The following GRIN1 variants were observed in gnomAD, a reference collection of about 807,000 sequenced individuals.
GRIN1 encodes glutamate ionotropic receptor NMDA type subunit 1.
A neutral mutation model predicts 103.0 loss-of-function variants in GRIN1; 38 were observed. That is an observed-to-expected ratio of 0.37 (90% CI 0.28 to 0.48). The LOEUF (loss-of-function observed/expected upper bound fraction) is 0.48, where lower values mean the gene tolerates loss of function less well. Among genes scored for constraint, GRIN1 ranks in the 20% least tolerant of loss-of-function variants. The pLI is 0.98. For missense variants in GRIN1, 577 were observed against 1,288.9 expected (o/e 0.45, Z 8.46); for synonymous variants, 544 against 532.7 (o/e 1.02, Z -0.29).
At position 137,139,511 on chromosome 9, in the gene GRIN1, C is replaced by A; in HGVS notation, c.25C>A (p.Leu9Ile). Residue 9 changes from leucine (L) to isoleucine (I), a missense_variant, in exon 1 of 20, where the codon CTC becomes ATC. Transcript: ENST00000371561. The surrounding 1 kb of genome is among the most constrained non-coding windows in gnomAD (Gnocchi z 7.7). ...CATGAGCACCATGCGCCTGCTGACG[C>A]TCGCCCTGCTGTTCTCCTGCTCCGT... MSTMRLLTLALLFSCSVAR... is the reference protein window; with the variant it reads MSTMRLLTIALLFSCSVAR... 6.2e-7 allele frequency: 1 copy of A among 1,601,100 alleles called. No individual in the cohort carries two copies. The highest frequency in any genetic ancestry group is 8.5e-7 in the Non-Finnish European group (1 of 1,173,630).
chr9:137,163,977 G>A (rs748783989), intron 18 of GRIN1, 73 bp downstream of exon 18: 2 of 1,546,086 alleles, frequency 1.3e-6, no homozygotes, highest in African/African-American at 2.7e-5. Flanking sequence ...ATCCCCGAAG[G>A]CCGTGGCACT....
At chr9:137,160,006 A>G (rs1833441495) in intron 8 of GRIN1, among the ~76,000 whole-genome samples, 1 of 152,132 alleles carries the variant, frequency 6.6e-6, no homozygotes, top group Admixed American at 6.5e-5. Context: ...CTCCCCTCAC[A>G]GTTCTGGCAG....
rs568348026 is a variant in GRIN1 at position 137,147,353 on chromosome 9, G to A, written c.570+1451G>A. 3.4e-4 allele frequency among the ~76,000 whole-genome samples: 51 copies of A among 152,120 alleles called. No homozygotes were observed. The South Asian group carries it at 4.1e-3, about 12-fold the overall frequency. On this transcript the variant is annotated intron_variant, in intron 3 of 19. Coordinates refer to ENST00000371561, the MANE Select transcript of GRIN1 (RefSeq NM_007327.4). Reference sequence around the variant, plus strand: ...CACACCTGGACACACGCTCAGGTGCGCTCCTCATGTGCATGCTCACCCTTA... The same window carrying A: ...CACACCTGGACACACGCTCAGGTGCACTCCTCATGTGCATGCTCACCCTTA...
intron 8 of GRIN1, among the ~76,000 whole-genome samples, chr9:137,160,013 G>T (rs1833441602): frequency 6.6e-6 from 1 of 152,180 alleles, no homozygotes; most frequent in Non-Finnish European, 1.5e-5. Context: ...CACAGTTCTG[G>T]CAGTGTGCTA....
intron 8 of GRIN1, among the ~76,000 whole-genome samples, chr9:137,159,166 T>G (rs1833392977): frequency 6.6e-6 from 1 of 152,114 alleles, no homozygotes; most frequent in Non-Finnish European, 1.5e-5. Context: ...CCTGGGCCTC[T>G]GAGAGCCTCT....
rs777596051 is a variant in GRIN1 at position 137,161,242 on chromosome 9, G to A, written c.1339+45G>A. 8 of 1,610,052 alleles carry A rather than the reference G, an allele frequency of 5.0e-6. No individual in the cohort carries two copies. In the Admixed American group the frequency reaches 1.3e-4, roughly 27 times the overall value. ...CGCGGGGCGCGGGGCAGGGCGCGGG[G>A]CGTGGGGCGGTCTGGAGCCCAGCAG... On this transcript the variant is annotated intron_variant, in intron 9 of 19. Coordinates refer to ENST00000371561, the MANE Select transcript of GRIN1 (RefSeq NM_007327.4).
At chr9:137,141,349 C>T (rs115708484) in intron 1 of GRIN1, among the ~76,000 whole-genome samples, 1 of 152,272 alleles carries the variant, frequency 6.6e-6, no homozygotes, top group African/African-American at 2.4e-5. Flanking sequence ...GGGGCTGAGC[C>T]GCTGGCTTTA....
intron 4 of GRIN1, among the ~76,000 whole-genome samples, chr9:137,152,846 C>A (rs1369763036): frequency 6.6e-6 from 1 of 152,106 alleles, no homozygotes; most frequent in Non-Finnish European, 1.5e-5. Context: ...TATAGTCACA[C>A]CATGCATACA....
At chr9:137,160,587 G>A (rs1306839561) in intron 8 of GRIN1, among the ~76,000 whole-genome samples, 1 of 152,118 alleles carries the variant, frequency 6.6e-6, no homozygotes, top group East Asian at 1.9e-4. Context: ...CCACCACCAC[G>A]CCCGGCTAAT....
intron 4 of GRIN1, among the ~76,000 whole-genome samples, chr9:137,150,970 G>C (rs1464866666): frequency 1.0e-5 from 1 of 97,358 alleles, no homozygotes; most frequent in Non-Finnish European, 2.0e-5. Context: ...CCCAGGGAAA[G>C]CCCAGCCCAG....
chr9:137,163,529 C>T, intron 16 of GRIN1, 30 bp from the exon 17 acceptor site: 1 of 1,487,774 alleles, frequency 6.7e-7, no homozygotes, highest in Non-Finnish European at 9.4e-7. Flanking sequence ...GGCCCCGCCT[C>T]ACTGCAGGCT....
rs1243141364 is a variant in GRIN1 at position 137,141,966 on chromosome 9, C to T, written c.259-47C>T. The T allele has an allele frequency of 1.9e-6, 3 of 1,610,996 alleles. No homozygotes were observed. In the Admixed American group the frequency reaches 5.0e-5, roughly 27 times the overall value. On this transcript the variant is annotated intron_variant, in intron 1 of 19. Transcript: ENST00000371561. The stretch of plus-strand genomic sequence containing the variant: ...CCAGATCTCAGCCTCTAACCCAGTG[C>T]CTGGCTCACCCCTGACTCAAGCTGA...
intron 4 of GRIN1, 45 bp from the exon 5 acceptor site, chr9:137,156,624 T>A: frequency 6.3e-7 from 1 of 1,587,232 alleles, no homozygotes; most frequent in African/African-American, 1.3e-5. Flanking sequence ...AGCGCCGCGG[T>A]GGGAGTGCTG....
intron 3 of GRIN1, among the ~76,000 whole-genome samples, chr9:137,147,013 C>T (rs1286858869): frequency 2.9e-5 from 3 of 104,938 alleles, no homozygotes; most frequent in Non-Finnish European, 6.3e-5. Flanking sequence ...GCCCGACAGG[C>T]CCCTCCCCCC....
intron 4 of GRIN1, among the ~76,000 whole-genome samples, chr9:137,155,427 T>C (rs977000863): frequency 2.0e-5 from 3 of 152,236 alleles, no homozygotes; most frequent in Admixed American, 6.5e-5. Flanking sequence ...AGCATCGTTA[T>C]GTAGAGCAAA....
At chr9:137,162,129 C>T (rs753668512) in intron 11 of GRIN1, 41 bp downstream of exon 11, 4 of 1,535,526 alleles carry the variant, frequency 2.6e-6, no homozygotes, top group South Asian at 1.2e-5. Flanking sequence ...CGGGGGGAGT[C>T]CCTGGAGGGC....
intron 18 of GRIN1, chr9:137,164,953 C>A: frequency 3.8e-6 from 2 of 531,442 alleles, no homozygotes; most frequent in Non-Finnish European, 3.4e-6. Flanking sequence ...AAGAGCCAGC[C>A]GAGAGCCCCC....
At chr9:137,142,803 C>CAGGG (rs1335819144) in intron 2 of GRIN1, among the ~76,000 whole-genome samples, 1 of 152,180 alleles carries the variant, frequency 6.6e-6, no homozygotes, top group Non-Finnish European at 1.5e-5. Flanking sequence ...GGTTGCAGCT[C>CAGGG]AGGGTCGGGG....
intron 19 of GRIN1, 197 bp downstream of exon 19, chr9:137,165,493 G>A (rs373803419): frequency 4.8e-6 from 3 of 619,308 alleles, no homozygotes; most frequent in East Asian, 5.6e-5. Context: ...GGCCCTCCTG[G>A]GTCCTCGGCT....
Sources: allele counts gnomAD v4.1 joint callset (sites outside exome capture counted in the v4.1 genomes callset), GRCh38; gene constraint gnomAD v4.1.1; non-coding constraint Gnocchi (gnomAD v3.1); transcripts MANE v1.5; gene names NCBI Gene and HGNC (gene_info 2026-07-23, HGNC 2026-07-21).